Variants in KCNQ3 observed in about 807,000 individuals in gnomAD.
KCNQ3 encodes potassium voltage-gated channel subfamily KQT member 3.
KCNQ3 carries 30 observed loss-of-function variants against 92.5 expected under a neutral mutation model. The ratio of observed to expected loss-of-function variants is 0.32; its 90% CI spans 0.24 to 0.44. The LOEUF (loss-of-function observed/expected upper bound fraction) is 0.44, where lower values mean the gene tolerates loss of function less well. KCNQ3 is among the 20% of genes least tolerant of loss of function. The pLI, the probability that KCNQ3 is intolerant of heterozygous loss-of-function variation, is 1.00. For missense variants in KCNQ3, 913 were observed against 1,140.3 expected (o/e 0.80, Z 2.87); for synonymous variants, 450 against 468.8 (o/e 0.96, Z 0.52).
intron 1 of KCNQ3, among the ~76,000 whole-genome samples, chr8:132,198,387 G>A (rs62519637): frequency 0.068 from 10,319 of 152,256 alleles, 501 homozygotes; most frequent in African/African-American, 0.12. Flanking sequence ...GCTAAGTTTT[G>A]TGGCAGTTTG....
intron 1 of KCNQ3, among the ~76,000 whole-genome samples, chr8:132,396,964 G>GTGTGTA (rs1321091434): frequency 3.3e-5 from 5 of 151,772 alleles, no homozygotes; most frequent in African/African-American, 1.2e-4. Flanking sequence ...GTGTGTGTGT[G>GTGTGTA]TATGTGTGTG....
chr8:132,201,612 C>T (rs759093403), intron 1 of KCNQ3, among the ~76,000 whole-genome samples: 5 of 152,200 alleles, frequency 3.3e-5, no homozygotes, highest in Non-Finnish European at 7.3e-5. Context: ...AGATATTAAA[C>T]ATTAAGATAA....
At chr8:132,389,183 G>A (rs1380740176) in intron 1 of KCNQ3, among the ~76,000 whole-genome samples, 1 of 152,216 alleles carries the variant, frequency 6.6e-6, no homozygotes, top group Non-Finnish European at 1.5e-5. Context: ...CAGGCCAGGT[G>A]CAGTGGTTCA....
At chr8:132,228,374 A>C (rs1814501977) in intron 1 of KCNQ3, among the ~76,000 whole-genome samples, 3 of 151,992 alleles carry the variant, frequency 2.0e-5, no homozygotes, top group Admixed American at 2.0e-4. Context: ...AGTTATTGAG[A>C]GAGAGAGAGA....
chr8:132,289,205 G>T (rs1816770425), intron 1 of KCNQ3, among the ~76,000 whole-genome samples: 1 of 152,182 alleles, frequency 6.6e-6, no homozygotes, highest in African/African-American at 2.4e-5. Context: ...AGGCTGGAGG[G>T]ATAGAAAGAA....
intron 10 of KCNQ3, 104 bp from the exon 11 acceptor site, chr8:132,140,282 C>T: frequency 1.4e-6 from 1 of 735,228 alleles, no homozygotes; most frequent in Non-Finnish European, 2.3e-6. Flanking sequence ...TGTGTCAATC[C>T]CCAGAGTCTT....
At chr8:132,318,142 G>T (rs1377086808) in intron 1 of KCNQ3, among the ~76,000 whole-genome samples, 5 of 152,152 alleles carry the variant, frequency 3.3e-5, no homozygotes, top group African/African-American at 9.7e-5. Flanking sequence ...GTAGATCTAT[G>T]GGTATGGTAA....
chr8:132,464,563 T>A (rs1338281050), intron 1 of KCNQ3, among the ~76,000 whole-genome samples: 1 of 152,216 alleles, frequency 6.6e-6, no homozygotes, highest in South Asian at 2.1e-4. Flanking sequence ...TTCCTTTGTA[T>A]CACTTTCAGC....
intron 1 of KCNQ3, among the ~76,000 whole-genome samples, chr8:132,478,117 T>A (rs1246398331): frequency 6.6e-6 from 1 of 152,252 alleles, no homozygotes; most frequent in African/African-American, 2.4e-5. Flanking sequence ...GGTAACTGAC[T>A]TTCTTCTCAC....
At chr8:132,135,959 A>AAAAT (rs1825069102) in intron 12 of KCNQ3, among the ~76,000 whole-genome samples, 1 of 151,764 alleles carries the variant, frequency 6.6e-6, no homozygotes, top group African/African-American at 2.4e-5. Flanking sequence ...ATCTCTACTA[A>AAAAT]AAATAAAAAA....
At chr8:132,259,081 A>G (rs1023584573) in intron 1 of KCNQ3, among the ~76,000 whole-genome samples, 5 of 152,078 alleles carry the variant, frequency 3.3e-5, no homozygotes, top group Non-Finnish European at 7.4e-5. Context: ...CAAACATTAA[A>G]AGAAGAATCA....
chr8:132,168,448 A>G (rs1456566248), intron 8 of KCNQ3, among the ~76,000 whole-genome samples: 1 of 152,172 alleles, frequency 6.6e-6, no homozygotes, highest in Non-Finnish European at 1.5e-5. Context: ...CAAAAATATT[A>G]GTGGACGGAG....
chr8:132,459,722 G>GTTTTC (rs1426202756), intron 1 of KCNQ3, among the ~76,000 whole-genome samples: 4 of 150,190 alleles, frequency 2.7e-5, no homozygotes, highest in Non-Finnish European at 4.4e-5. Flanking sequence ...CCATTATAAA[G>GTTTTC]TTTTCTTTTT....
intron 9 of KCNQ3, among the ~76,000 whole-genome samples, chr8:132,149,852 C>T (rs1825580795): frequency 6.6e-6 from 1 of 152,158 alleles, no homozygotes; most frequent in Non-Finnish European, 1.5e-5. Flanking sequence ...CTGGCATTCC[C>T]TGCCACGTGT....
intron 1 of KCNQ3, among the ~76,000 whole-genome samples, chr8:132,417,548 C>G (rs1481484356): frequency 6.6e-6 from 1 of 152,066 alleles, no homozygotes; most frequent in Admixed American, 6.5e-5. Context: ...GAGACATCTA[C>G]TTTTTTTTGG....
chr8:132,349,222 C>T (rs1293639212), intron 1 of KCNQ3, among the ~76,000 whole-genome samples: 1 of 152,174 alleles, frequency 6.6e-6, no homozygotes, highest in Non-Finnish European at 1.5e-5. Context: ...AGCAAGTCAA[C>T]GCCTCAGGCA....
At chr8:132,207,384 G>C (rs888364246) in intron 1 of KCNQ3, among the ~76,000 whole-genome samples, 1 of 152,150 alleles carries the variant, frequency 6.6e-6, no homozygotes, top group East Asian at 1.9e-4. Context: ...CATTTTAATA[G>C]CGAATAAAGC....
At chr8:132,159,627 T>C (rs1825922483) in intron 9 of KCNQ3, among the ~76,000 whole-genome samples, 1 of 152,176 alleles carries the variant, frequency 6.6e-6, no homozygotes, top group African/African-American at 2.4e-5. Flanking sequence ...GCTTCACTGA[T>C]ATGGAGAAAG....
intron 4 of KCNQ3, among the ~76,000 whole-genome samples, chr8:132,179,631 A>C (rs1451331291): frequency 6.6e-6 from 1 of 152,174 alleles, no homozygotes; most frequent in Non-Finnish European, 1.5e-5. Context: ...TTCACATATC[A>C]ATTCATTTCA....
Sources: gnomAD v4.1 joint callset for allele counts (sites outside exome capture counted in the v4.1 genomes callset) on GRCh38, gnomAD v4.1.1 for gene constraint, MANE v1.5 for transcripts, NCBI Gene and HGNC (gene_info 2026-07-23, HGNC 2026-07-21) for gene names.